Variants in SI observed in about 807,000 individuals in gnomAD.
SI encodes the protein sucrase-isomaltase, intestinal.
In SI, 235 loss-of-function variants were observed where a neutral mutation model predicts 253.3. That is an observed-to-expected ratio of 0.93 (90% CI 0.83 to 1.03). SI has a LOEUF of 1.03. SI is among the 50% of genes least tolerant of loss of function. The pLI is 0.00. For missense variants in SI, 2,442 were observed against 2,211.1 expected (o/e 1.10, Z -2.09); for synonymous variants, 819 against 712.0 (o/e 1.15, Z -2.39).
Position 165,023,630 on chromosome 3 carries a change from G to T in SI, c.3039C>A (p.Asp1013Glu), listed in dbSNP as rs1259411498. ...TANARIKLPS[D>E]PISTLRVEVK... ...CCTCCACACGAAGAGTTGAGATGGG[G>T]TCAGAAGGTAACTTTATTCTGGCAT... is the stretch of plus-strand genomic sequence containing the variant. Residue 1013 changes from aspartate (D) to glutamate (E), a missense_variant, in exon 26 of 48, where the codon GAC becomes GAA. Asp to Glu is a conservative substitution (Grantham distance 45). Transcript: ENST00000264382. The T allele has an allele frequency of 1.2e-6, 2 of 1,610,796 alleles. No homozygotes were observed. Among genetic ancestry groups the T allele is most frequent in the African/African-American group, 2.7e-5 (2 of 74,674 alleles).
At chr3:165,086,075 G>C in the SI span, among the ~76,000 whole-genome samples, 2 of 152,016 alleles carry the variant, frequency 1.3e-5, no homozygotes, top group Non-Finnish European at 2.9e-5. Context: ...TCAACATAGT[G>C]AAACCATGTC....
chr3:164,984,818 T>C (rs1038305519), intron 45 of SI, among the ~76,000 whole-genome samples: 4 of 152,128 alleles, frequency 2.6e-5, no homozygotes, highest in Non-Finnish European at 4.4e-5. Context: ...AAGACATCAT[T>C]TCAGATTGGA....
chr3:165,068,257 A>T (rs1048895242), intron 5 of SI, among the ~76,000 whole-genome samples: 3 of 152,188 alleles, frequency 2.0e-5, no homozygotes, highest in African/African-American at 7.2e-5. Flanking sequence ...ATTAAGCTAA[A>T]TATTTTACAT....
At chr3:165,037,724 T>C (rs111706931) in intron 21 of SI, among the ~76,000 whole-genome samples, 176 bp downstream of exon 21, 186 of 151,940 alleles carry the variant, frequency 1.2e-3, no homozygotes, top group African/African-American at 4.3e-3. Flanking sequence ...ATATTTATAA[T>C]AATATAAATA....
chr3:165,017,353 G>C (rs1201425304), intron 31 of SI, among the ~76,000 whole-genome samples, 195 bp downstream of exon 31: 1 of 151,862 alleles, frequency 6.6e-6, no homozygotes, highest in Non-Finnish European at 1.5e-5. Flanking sequence ...AAAGGAAAAG[G>C]AATGGTATTT....
chr3:165,081,590 A>C (rs2108128689), upstream of SI, among the ~76,000 whole-genome samples: 3 of 152,154 alleles, frequency 2.0e-5, no homozygotes, highest in Admixed American at 2.0e-4. Flanking sequence ...ATGCAACAAA[A>C]AGACAAAAAT....
rs74774858 is a variant in SI at position 164,979,507 on chromosome 3, A to T, written c.5416-77T>A. ...ATTTTCATGAATGCTATTTCAAAAA[A>T]GTTTTCTAATAAATAGTATATACCT... On this transcript the variant is annotated intron_variant, in intron 47 of 47. Transcript: ENST00000264382. The T allele has an allele frequency of 0.014, 11,512 of 829,496 alleles. 884 individuals are homozygous for T. In the African/African-American group the frequency reaches 0.17, roughly 12 times the overall value. The allele number at this position is 829,496 out of a possible 1,614,324, so 51.4% of individuals were successfully genotyped here. A position where few individuals can be genotyped will look rare whatever the true frequency, so the allele number is the denominator to read the frequency against.
rs548911208 is a variant in SI, at chr3:165,009,470, T to G, written c.4063-75A>C. The G allele has an allele frequency of 3.6e-6, 3 of 825,306 alleles. No homozygotes were observed. In the South Asian group the frequency reaches 4.1e-5, roughly 11 times the overall value. 51.1% of individuals were successfully genotyped at this position (825,306 alleles called of 1,614,324 possible). The stretch of plus-strand genomic sequence containing the variant: ...ATATACATATAAATCTGAATGTATT[T>G]GACAGATCCACAAGTCATGTATGAC... On this transcript the variant is annotated intron_variant, in intron 34 of 47. Transcript: ENST00000264382.
chr3:165,013,447 A>G (rs1397432019), intron 33 of SI, among the ~76,000 whole-genome samples: 1 of 152,150 alleles, frequency 6.6e-6, no homozygotes, highest in African/African-American at 2.4e-5. Flanking sequence ...GAAAGGAAGC[A>G]AAGATCCGAT....
intron 37 of SI, among the ~76,000 whole-genome samples, chr3:165,002,647 T>C (rs1718307999): frequency 6.6e-6 from 1 of 151,768 alleles, no homozygotes; most frequent in African/African-American, 2.4e-5. Context: ...TCTTCATAAT[T>C]TGCTTAAATG....
intron 47 of SI, among the ~76,000 whole-genome samples, 168 bp downstream of exon 47, chr3:164,982,075 C>T (rs544954092): frequency 6.6e-6 from 1 of 151,936 alleles, no homozygotes; most frequent in South Asian, 2.1e-4. Context: ...TGACAGTTTA[C>T]TAAGGATAGT....
In SI at chr3:165,065,442, A is replaced by AAAAGAAAT. The variant is rs759345454; in HGVS notation, c.636-18_636-11dup. Reference sequence around the variant, plus strand: ...AATGCTGGTGTCAAACCTGCACCATAAAAGAAATAAAGAAATAATCTAATA... The same window carrying AAAAGAAAT: ...AATGCTGGTGTCAAACCTGCACCATAAAAGAAATAAAGAAATAAAGAAATAATCTAATA... On this transcript the variant is annotated splice_polypyrimidine_tract_variant and intron_variant, in intron 6 of 47. Transcript: ENST00000264382. 8.8e-7 allele frequency: 1 copy of AAAAGAAAT among 1,140,696 alleles called. No homozygotes were observed. Among genetic ancestry groups the AAAAGAAAT allele is most frequent in the Non-Finnish European group, 1.2e-6 (1 of 835,892 alleles). 70.7% of individuals were successfully genotyped at this position (1,140,696 alleles called of 1,614,324 possible).
intron 17 of SI, among the ~76,000 whole-genome samples, chr3:165,042,682 A>G (rs147264383): frequency 6.6e-5 from 10 of 152,246 alleles, no homozygotes; most frequent in Non-Finnish European, 1.5e-4. Context: ...AATCCATGAC[A>G]GTATATTATA....
At chr3:165,042,543 G>A (rs538202886) in intron 17 of SI, among the ~76,000 whole-genome samples, 3 of 152,018 alleles carry the variant, frequency 2.0e-5, no homozygotes, top group African/African-American at 7.2e-5. Flanking sequence ...GTCCAAAACC[G>A]TGTTTTAAAA....
intron 3 of SI, among the ~76,000 whole-genome samples, chr3:165,073,684 C>T (rs910913577): frequency 6.6e-6 from 1 of 151,832 alleles, no homozygotes; most frequent in Non-Finnish European, 1.5e-5. Flanking sequence ...GTGGATACAA[C>T]AAACTGTGGA....
chr3:165,021,335 T>C lies in SI; in HGVS notation c.3148A>G (p.Ile1050Val), dbSNP rs781147445. ...TAAGTACTTATTGGGGTGGTTGGAA[T>C]GTTTAACGGTACTGGTACTTCATAT... ...KRYEVPVPLN[I>V]PTTPISTYED... The change falls in exon 27 of 48, where the codon ATT (isoleucine) becomes GTT (valine). Residue 1050 changes from isoleucine (I) to valine (V), a missense_variant. Physicochemically the swap from Ile to Val is conservative, Grantham distance 29 (BLOSUM62 3). Transcript: ENST00000264382. 6.2e-7 allele frequency: 1 copy of C among 1,611,082 alleles called. No homozygotes were observed. The highest frequency in any genetic ancestry group is 8.5e-7 in the Non-Finnish European group (1 of 1,177,878).
Position 165,032,609 on chromosome 3 carries a change from C to CAG in SI, c.2648_2649insCT (p.Leu883PhefsTer2). The CAG allele has an allele frequency of 6.2e-7, 1 of 1,608,996 alleles. No homozygotes were observed. The highest frequency in any genetic ancestry group is 8.5e-7 in the Non-Finnish European group (1 of 1,176,584). The stretch of plus-strand genomic sequence containing the variant: ...CTCTAACTTCTGTAACACTGTCTGT[C>CAG]AACCCAAGGATTTTTACAGTCTGAA... On this transcript the variant is annotated frameshift_variant, in exon 24 of 48. Coordinates refer to ENST00000264382, the MANE Select transcript of SI (RefSeq NM_001041.4). LOFTEE classifies it high-confidence loss of function.
intron 45 of SI, among the ~76,000 whole-genome samples, chr3:164,985,063 A>T (rs923492288): frequency 6.6e-6 from 1 of 152,292 alleles, no homozygotes; most frequent in East Asian, 1.9e-4. Flanking sequence ...TACTTGCATG[A>T]GGAGATCATA....
chr3:164,981,531 T>C (rs1223614975), intron 47 of SI, among the ~76,000 whole-genome samples: 1 of 152,064 alleles, frequency 6.6e-6, no homozygotes, highest in African/African-American at 2.4e-5. Context: ...CGATTAAGGG[T>C]GGGTGCACAC....
Sources: gnomAD v4.1 joint callset for allele counts (sites outside exome capture counted in the v4.1 genomes callset) on GRCh38, gnomAD v4.1.1 for gene constraint, MANE v1.5 for transcripts, NCBI Gene and HGNC (gene_info 2026-07-23, HGNC 2026-07-21) for gene names.